NEB: variants seen among roughly 807,000 people sequenced by gnomAD.
NEB encodes the protein nebulin.
In NEB, 512 loss-of-function variants were observed where a neutral mutation model predicts 952.2. The ratio of observed to expected loss-of-function variants is 0.54; its 90% CI spans 0.50 to 0.58. The LOEUF (loss-of-function observed/expected upper bound fraction) is 0.58, where lower values mean the gene tolerates loss of function less well. NEB is among the 20% of genes least tolerant of loss of function. The pLI is 0.00. For synonymous variants in NEB, 2,900 were observed against 3,149.8 expected (o/e 0.92, Z 2.66); for missense variants, 8,428 against 9,231.1 (o/e 0.91, Z 3.56).
At chr2:151,605,466 G>T (rs1452339566) in intron 84 of NEB, among the ~76,000 whole-genome samples, 2 of 104,926 alleles carry the variant, frequency 1.9e-5, no homozygotes, top group Non-Finnish European at 5.0e-5. Context: ...TTCAAGGATG[G>T]AAAGCAAGGT....
intron 156 of NEB, among the ~76,000 whole-genome samples, chr2:151,516,925 A>T (rs189663713): frequency 2.4e-3 from 367 of 152,348 alleles, no homozygotes; most frequent in Non-Finnish European, 3.9e-3. Context: ...CTTTAAAATT[A>T]TTAATGCTAT....
At position 151,617,454 on chromosome 2, in the gene NEB, T is replaced by G. The variant is rs1470685965; in HGVS notation, c.11091A>C (p.Glu3697Asp). The change falls in exon 75 of 182, where the codon GAA (glutamate) becomes GAC (aspartate). Residue 3697 changes from glutamate to aspartate, a missense_variant. Glu to Asp is a conservative substitution (Grantham distance 45). Coordinates refer to ENST00000397345, the MANE Select transcript of NEB (RefSeq NM_001164508.2). Reference sequence around the variant, plus strand: ...TAGTTTTCTTGTCATTGTCCCAGGCTTCAGTATATAAGCGCTACAAAAAAA... The same window carrying G: ...TAGTTTTCTTGTCATTGTCCCAGGCGTCAGTATATAAGCGCTACAAAAAAA... Reference protein sequence around the residue: ...ALNMNKRLYTEAWDNDKKTIH... With the variant: ...ALNMNKRLYTDAWDNDKKTIH... 37 of 1,535,380 alleles carry G rather than the reference T, an allele frequency of 2.4e-5. No homozygotes were observed. The highest frequency in any genetic ancestry group is 3.1e-5 in the Non-Finnish European group (35 of 1,140,528).
At chr2:151,692,000 A>G (rs1429378199) in intron 22 of NEB, 32 bp from the exon 23 acceptor site, 1 of 1,608,672 alleles carries the variant, frequency 6.2e-7, no homozygotes, top group African/African-American at 1.3e-5. Flanking sequence ...ATAGATCATG[A>G]TTGTTATGGC....
At position 151,619,647 on chromosome 2, in the gene NEB, C is replaced by T. The variant is rs376558062; in HGVS notation, c.10676G>A (p.Arg3559His). Reference sequence around the variant, plus strand: ...TTTCTCAAAATCTTTCTTGTACTCACGGTCACTCTGCACTTTGGCAATGTG... The same window carrying T: ...TTTCTCAAAATCTTTCTTGTACTCATGGTCACTCTGCACTTTGGCAATGTG... ...SLHIAKVQSDREYKKDFEKYK... is the reference protein window; with the variant it reads ...SLHIAKVQSDHEYKKDFEKYK... Residue 3559 changes from arginine to histidine, a missense_variant, in exon 73 of 182, where the codon CGT (arginine) becomes CAT (histidine). Coordinates refer to ENST00000397345, the MANE Select transcript of NEB (RefSeq NM_001164508.2). 9.3e-6 allele frequency: 15 copies of T among 1,613,860 alleles called. No homozygotes were observed. The highest frequency in any genetic ancestry group is 3.3e-5 in the Admixed American group (2 of 59,994).
Position 151,644,475 on chromosome 2 carries a change from G to A in NEB, c.7637C>T (p.Ala2546Val), listed in dbSNP as rs1166938283. The A allele has an allele frequency of 6.2e-7, 1 of 1,611,262 alleles. No individual in the cohort carries two copies. The highest frequency in any genetic ancestry group is 8.5e-7 in the Non-Finnish European group (1 of 1,177,684). The change falls in exon 56 of 182, where the codon GCC (alanine) becomes GTC (valine). Residue 2546 changes from alanine (A) to valine (V), a missense_variant. This residue lies in a region of NEB where 1,772 missense variants were observed against 1,960.3 expected (regional missense o/e 0.90). Transcript: ENST00000397345. ...CAGAGGATAAAATCTTACTTCACTG[G>A]CAATTTCCCGGGAGGCTTTTGCTGC... ...IKAAKASREIASEYKYKEGFR... is the reference protein window; with the variant it reads ...IKAAKASREIVSEYKYKEGFR...
chr2:151,499,348 T>A lies in NEB; in HGVS notation c.24064A>T (p.Ile8022Phe), dbSNP rs1245754241. The change falls in exon 169 of 182, where the codon ATC becomes TTC. Residue 8022 changes from isoleucine (I) to phenylalanine (F), a missense_variant. Physicochemically the swap from Ile to Phe is conservative, Grantham distance 21 (BLOSUM62 0). Coordinates refer to ENST00000397345, the MANE Select transcript of NEB (RefSeq NM_001164508.2). ...TTGACTCTCTCCATCTCTGGAGTGA[T>A]GGGGATTGGAATCCCTTTTCCAACG... ...ENVGKGIPIP[I>F]TPEMERVKHN... 6.5e-7 allele frequency: 1 copy of A among 1,547,194 alleles called. No homozygotes were observed. The highest frequency in any genetic ancestry group is 1.2e-5 in the South Asian group (1 of 83,772).
intron 28 of NEB, among the ~76,000 whole-genome samples, chr2:151,682,971 T>C (rs2099434979): frequency 6.6e-6 from 1 of 152,190 alleles, no homozygotes. Context: ...GGCGTTATGT[T>C]CCATTTCATC....
rs1205553071 is a variant in NEB, at chr2:151,547,304, T to G, written c.20367+125A>C. The G allele has an allele frequency of 4.2e-5, 30 of 709,788 alleles. No homozygotes were observed. The East Asian group carries it at 8.1e-4, about 19-fold the overall frequency. 44.0% of individuals were successfully genotyped at this position (709,788 alleles called of 1,614,324 possible). ...CTCCCACACTGTCTTACCTCCAACTTGTACTCTTTGTTTAGAAGTGCTTAT... is the reference window on the plus strand; with the variant it reads ...CTCCCACACTGTCTTACCTCCAACTGGTACTCTTTGTTTAGAAGTGCTTAT... On this transcript the variant is annotated intron_variant, in intron 133 of 181. Coordinates refer to ENST00000397345, the MANE Select transcript of NEB (RefSeq NM_001164508.2).
intron 77 of NEB, among the ~76,000 whole-genome samples, chr2:151,613,750 GTA>G (rs939807425): frequency 1.3e-4 from 20 of 152,250 alleles, no homozygotes; most frequent in African/African-American, 4.6e-4. Context: ...TTAAAAGTGT[GTA>G]GCACTTCCCC....
intron 171 of NEB, 98 bp downstream of exon 171, chr2:151,497,523 TTTAAG>T (rs1414126393): frequency 6.7e-7 from 1 of 1,501,914 alleles, no homozygotes; most frequent in South Asian, 1.3e-5. Flanking sequence ...ATTCACAAAA[TTTAAG>T]TTGTCTTTAA....
rs775409458 is a variant in NEB, at chr2:151,633,785, C to T, written c.9283G>A (p.Val3095Met). 4 of 1,613,908 alleles carry T rather than the reference C, an allele frequency of 2.5e-6. No homozygotes were observed. The highest frequency in any genetic ancestry group is 3.4e-6 in the Non-Finnish European group (4 of 1,179,880). Reference protein sequence around the residue: ...KFSSPVDMLGVVLAKKCQTLV... With the variant: ...KFSSPVDMLGMVLAKKCQTLV... The stretch of plus-strand genomic sequence containing the variant: ...GTCTGGCACTTCTTGGCCAGCACCA[C>T]CCCCAGCATGTCCACTGGGCTGCTG... Residue 3095 changes from valine (V) to methionine (M), a missense_variant, in exon 65 of 182, where the codon GTG becomes ATG. Physicochemically the swap from Val to Met is conservative, Grantham distance 21. Coordinates refer to ENST00000397345, the MANE Select transcript of NEB (RefSeq NM_001164508.2).
At chr2:151,575,339 T>C (rs940768488) in intron 107 of NEB, among the ~76,000 whole-genome samples, 1 of 152,226 alleles carries the variant, frequency 6.6e-6, no homozygotes, top group African/African-American at 2.4e-5. Context: ...TTAATTCATA[T>C]ATTTTTACAA....
chr2:151,653,614 A>G (rs746719652), intron 52 of NEB, among the ~76,000 whole-genome samples: 41 of 152,338 alleles, frequency 2.7e-4, no homozygotes, highest in Middle Eastern at 3.4e-3. Flanking sequence ...ATCTATCAGC[A>G]TCAGTTTGTT....
At chr2:151,605,201 G>A (rs1258329255) in intron 84 of NEB, among the ~76,000 whole-genome samples, 1 of 128,274 alleles carries the variant, frequency 7.8e-6, no homozygotes, top group Non-Finnish European at 1.7e-5. Flanking sequence ...AAACTACCAT[G>A]TTTTTCGGTC....
At position 151,688,360 on chromosome 2, in the gene NEB, T is replaced by G. The variant is rs2099519241; in HGVS notation, c.2347A>C (p.Lys783Gln). The G allele has an allele frequency of 1.9e-6, 3 of 1,613,918 alleles. No homozygotes were observed. In the South Asian group the frequency reaches 3.3e-5, roughly 18 times the overall value. The change falls in exon 25 of 182, where the codon AAG becomes CAG. Residue 783 changes from lysine to glutamine, a missense_variant. Coordinates refer to ENST00000397345, the MANE Select transcript of NEB (RefSeq NM_001164508.2). The stretch of plus-strand genomic sequence containing the variant: ...GGAGCATCTGCTGGTATATGGCACT[T>G]GAACTTCTCACCTTCATGTTTTGCT... ...YKAKHEGEKF[K>Q]CHIPADAPQF...
chr2:151,644,783 T>C (rs1006896995), intron 55 of NEB, among the ~76,000 whole-genome samples: 18 of 152,230 alleles, frequency 1.2e-4, no homozygotes, highest in Non-Finnish European at 1.8e-4. Flanking sequence ...AGCAAAATTG[T>C]CAGCTCTTCC....
chr2:151,551,589 G>T, intron 129 of NEB, 149 bp downstream of exon 129: 1 of 645,116 alleles, frequency 1.6e-6, no homozygotes. Context: ...AGGAAAGATA[G>T]ATTATGCTCT....
Position 151,496,367 on chromosome 2 carries a change from A to C in NEB, c.24395T>G (p.Val8132Gly). The change falls in exon 173 of 182, where the codon GTG (valine) becomes GGG (glycine). Residue 8132 changes from valine (V) to glycine (G), a missense_variant and splice_region_variant. This residue lies in a region of NEB where 3,374 missense variants were observed against 3,651.5 expected (regional missense o/e 0.92). Transcript: ENST00000397345. ...VKHNQENISS[V>G]LYKENMGKGT... is the part of the protein sequence containing the mutation. Reference sequence around the variant, plus strand: ...CTTGCCCATGTTTTCTTTGTATAACACCTGTGCGATGAGAAAGCATCCAGA... The same window carrying C: ...CTTGCCCATGTTTTCTTTGTATAACCCCTGTGCGATGAGAAAGCATCCAGA... 1 of 1,606,198 alleles carries C rather than the reference A, an allele frequency of 6.2e-7. No individual in the cohort carries two copies. Among genetic ancestry groups the C allele is most frequent in the East Asian group, 2.2e-5 (1 of 44,708 alleles).
intron 10 of NEB, among the ~76,000 whole-genome samples, chr2:151,710,811 C>T (rs1000313934): frequency 2.0e-5 from 3 of 152,084 alleles, no homozygotes; most frequent in Non-Finnish European, 4.4e-5. Flanking sequence ...TTGCAGATGT[C>T]CCCTGATGTT....
Sources: allele counts gnomAD v4.1 joint callset (sites outside exome capture counted in the v4.1 genomes callset), GRCh38; gene constraint gnomAD v4.1.1; regional missense constraint gnomAD v4.1.1; transcripts MANE v1.5; gene names NCBI Gene and HGNC (gene_info 2026-07-23, HGNC 2026-07-21).